Variants in TCF12 observed in about 807,000 individuals in gnomAD.
TCF12 encodes DNA-binding protein HTF4.
TCF12 carries 45 observed loss-of-function variants against 86.0 expected under a neutral mutation model. The ratio of observed to expected loss-of-function variants is 0.52; its 90% CI spans 0.41 to 0.67. The LOEUF is 0.67. TCF12 is among the 30% of genes least tolerant of loss of function. The pLI is 0.00. For synonymous variants in TCF12, 330 were observed against 299.6 expected, an observed-to-expected ratio of 1.10 and a Z score of -1.05; for missense variants, 881 against 859.9, an observed-to-expected ratio of 1.02 and a Z score of -0.31.
intron 8 of TCF12, among the ~76,000 whole-genome samples, chr15:57,208,286 C>T (rs1009359887): frequency 2.6e-5 from 4 of 151,760 alleles, no homozygotes; most frequent in African/African-American, 9.7e-5. Flanking sequence ...CCCGCCTCAG[C>T]CTCCCAAAGT....
chr15:56,970,531 G>T (rs1273266494), intron 3 of TCF12, among the ~76,000 whole-genome samples: 1 of 139,816 alleles, frequency 7.2e-6, no homozygotes, highest in Non-Finnish European at 1.6e-5. Flanking sequence ...CCCATTAAAT[G>T]AAACAATGGA....
intron 5 of TCF12, among the ~76,000 whole-genome samples, chr15:57,154,438 CA>C (rs2053979082): frequency 6.6e-6 from 1 of 152,140 alleles, no homozygotes; most frequent in Admixed American, 6.5e-5. Flanking sequence ...CCACTTTGCC[CA>C]AACCTTAGGG....
At chr15:57,247,173 T>C (rs1349630946) in intron 13 of TCF12, 2 of 589,342 alleles carry the variant, frequency 3.4e-6, no homozygotes, top group East Asian at 6.8e-5. Flanking sequence ...CACCATATCC[T>C]TGGTCCATCA....
chr15:56,994,745 G>C (rs1205436965), intron 3 of TCF12, among the ~76,000 whole-genome samples: 1 of 152,010 alleles, frequency 6.6e-6, no homozygotes, highest in Non-Finnish European at 1.5e-5. Context: ...GTGACATAAG[G>C]GCATTTTCCG....
chr15:57,075,049 T>G (rs2069763798), intron 4 of TCF12, among the ~76,000 whole-genome samples: 1 of 152,128 alleles, frequency 6.6e-6, no homozygotes, highest in African/African-American at 2.4e-5. Flanking sequence ...TAAAATGAAA[T>G]AATTATTTAA....
At chr15:57,170,762 T>C (rs1350319441) in intron 6 of TCF12, among the ~76,000 whole-genome samples, 1 of 12,542 alleles carries the variant, frequency 8.0e-5, no homozygotes, top group African/African-American at 3.5e-4. Context: ...TTATATATTA[T>C]ATATATATTA....
chr15:56,933,033 TG>T (rs1410359846), intron 3 of TCF12, among the ~76,000 whole-genome samples: 4 of 152,212 alleles, frequency 2.6e-5, no homozygotes, highest in Non-Finnish European at 5.9e-5. Flanking sequence ...CTTTGTGAGT[TG>T]GGAAGAATAT....
At chr15:57,208,628 A>C (rs1379831392) in intron 8 of TCF12, among the ~76,000 whole-genome samples, 1 of 150,680 alleles carries the variant, frequency 6.6e-6, no homozygotes, top group Non-Finnish European at 1.5e-5. Flanking sequence ...CAAGCGATCC[A>C]CCCACCTTGG....
chr15:57,204,914 A>G (rs748460834), intron 8 of TCF12, among the ~76,000 whole-genome samples: 2 of 152,204 alleles, frequency 1.3e-5, no homozygotes, highest in Non-Finnish European at 2.9e-5. Flanking sequence ...GATAGCTCCA[A>G]TTTATCCATG....
At chr15:57,163,971 A>G (rs1174320298) in intron 5 of TCF12, among the ~76,000 whole-genome samples, 24 of 152,108 alleles carry the variant, frequency 1.6e-4, no homozygotes, top group Non-Finnish European at 1.5e-5. Flanking sequence ...AATTTCAGAG[A>G]ACAACTTCAT....
At chr15:57,086,996 C>T (rs2048679366) in intron 4 of TCF12, among the ~76,000 whole-genome samples, 1 of 151,678 alleles carries the variant, frequency 6.6e-6, no homozygotes, top group Non-Finnish European at 1.5e-5. Context: ...ATAAATAATA[C>T]TAGGTGTGTT....
chr15:56,938,221 C>T (rs771070529), intron 3 of TCF12, among the ~76,000 whole-genome samples: 10 of 150,690 alleles, frequency 6.6e-5, no homozygotes, highest in East Asian at 5.8e-4. Flanking sequence ...AGTGCAGTGG[C>T]GCGACCTTGG....
chr15:57,004,807 C>G (rs535885695), intron 3 of TCF12, among the ~76,000 whole-genome samples: 1 of 151,960 alleles, frequency 6.6e-6, no homozygotes, highest in Non-Finnish European at 1.5e-5. Flanking sequence ...CTGCCTGCCT[C>G]GGCCCCCAAA....
At chr15:57,170,659 A>T (rs56182626) in intron 6 of TCF12, among the ~76,000 whole-genome samples, 749 of 49,214 alleles carry the variant, frequency 0.015, 22 homozygotes, top group African/African-American at 0.047. Context: ...ATATTATATA[A>T]AATATATATA....
At chr15:57,177,608 C>CAGAGAGAGAGAGAGAGAGAGAGAGAG (rs11270421) in intron 6 of TCF12, among the ~76,000 whole-genome samples, 3,118 of 122,680 alleles carry the variant, frequency 0.025, 219 homozygotes, top group Middle Eastern at 0.04. Context: ...GTTAAAAGGC[C>CAGAGAGAGAGAGAGAGAGAGAGAGAG]AGAGAGAGAG....
chr15:57,225,491 C>T (rs1368597799), intron 8 of TCF12, among the ~76,000 whole-genome samples: 4 of 151,872 alleles, frequency 2.6e-5, no homozygotes, highest in African/African-American at 4.8e-5. Flanking sequence ...ATGATCCACC[C>T]GCCTCGGCCT....
intron 5 of TCF12, among the ~76,000 whole-genome samples, chr15:57,112,448 T>C (rs989188804): frequency 6.6e-6 from 1 of 152,150 alleles, no homozygotes; most frequent in African/African-American, 2.4e-5. Flanking sequence ...CTGTGACCGA[T>C]TGTGCCTGGC....
chr15:57,101,726 AT>A (rs1567424677), intron 5 of TCF12, among the ~76,000 whole-genome samples: 1 of 152,172 alleles, frequency 6.6e-6, no homozygotes. Context: ...TTCCACAGTC[AT>A]TCTTGTGTTA....
intron 6 of TCF12, among the ~76,000 whole-genome samples, chr15:57,168,676 C>T (rs1212142078): frequency 6.6e-6 from 1 of 152,094 alleles, no homozygotes; most frequent in Admixed American, 6.6e-5. Context: ...GGCTATAGTA[C>T]TCATTTTGAG....
Sources: gnomAD v4.1 joint callset for allele counts (sites outside exome capture counted in the v4.1 genomes callset) on GRCh38, gnomAD v4.1.1 for gene constraint, MANE v1.5 for transcripts, NCBI Gene and HGNC (gene_info 2026-07-23, HGNC 2026-07-21) for gene names.